The following GORASP2 variants were observed in gnomAD, a reference collection of about 807,000 sequenced individuals.
GORASP2 encodes the protein golgi reassembly stacking protein 2, also known as Golgi reassembly-stacking protein 2.
In GORASP2, 22 loss-of-function variants were observed where a neutral mutation model predicts 45.7. That is an observed-to-expected ratio of 0.48 (90% CI 0.34 to 0.69). The LOEUF (loss-of-function observed/expected upper bound fraction) is 0.69. Among genes scored for constraint, GORASP2 ranks in the 30% least tolerant of loss-of-function variants. The probability of loss-of-function intolerance (pLI) is 0.01; values close to 1 mark genes in which losing one functional copy is unlikely to be tolerated. For synonymous variants in GORASP2, 221 were observed against 215.6 expected, an observed-to-expected ratio of 1.02 and a Z score of -0.22; for missense variants, 491 against 562.7, an observed-to-expected ratio of 0.87 and a Z score of 1.29.
chr2:170,943,792 C>T (rs143498800), intron 1 of GORASP2, among the ~76,000 whole-genome samples: 113 of 152,296 alleles, frequency 7.4e-4, no homozygotes, highest in African/African-American at 2.6e-3. Context: ...CCCGCCTTAG[C>T]TTCCTGAGTT....
intron 1 of GORASP2, among the ~76,000 whole-genome samples, chr2:170,946,664 G>T (rs1704186915): frequency 6.6e-6 from 1 of 151,174 alleles, no homozygotes; most frequent in South Asian, 2.1e-4. Context: ...GGATGCAGTG[G>T]CTCACACCTG....
At chr2:170,931,549 G>A (rs1703823147) in intron 1 of GORASP2, among the ~76,000 whole-genome samples, 1 of 152,206 alleles carries the variant, frequency 6.6e-6, no homozygotes, top group African/African-American at 2.4e-5. Context: ...TTAGAAGTTA[G>A]TTTTCTTGAA....
Position 170,956,462 on chromosome 2 carries a change from G to A in GORASP2, c.726G>A (p.Pro242=), listed in dbSNP as rs574818608. ...TCCAGCTGTCCTCAGTTAATCCCCC[G>A]TCTTTGTCACCACCAGGAACTACAG... ...TEVQLSSVNP[P]SLSPPGTTGI... Residue 242 remains proline, a synonymous_variant, in exon 7 of 10, where the codon CCG becomes CCA. Coordinates refer to ENST00000234160, the MANE Select transcript of GORASP2 (RefSeq NM_015530.5). 1.6e-5 allele frequency: 25 copies of A among 1,612,510 alleles called. No individual in the cohort carries two copies. Among genetic ancestry groups the A allele is most frequent in the South Asian group, 6.6e-5 (6 of 90,952 alleles).
In GORASP2 at chr2:170,951,430, C is replaced by T; in HGVS notation, c.538C>T (p.Pro180Ser). 2 of 1,610,996 alleles carry T rather than the reference C, an allele frequency of 1.2e-6. No homozygotes were observed. Among genetic ancestry groups the T allele is most frequent in the Non-Finnish European group, 8.5e-7 (1 of 1,178,876 alleles). Residue 180 changes from proline to serine, a missense_variant, in exon 5 of 10, where the codon CCA becomes TCA. By Grantham distance (74) the Pro-to-Ser change is moderately conservative. Transcript: ENST00000234160. ...TDNCREVIIT[P>S]NSAWGGEGSL... ...TAACTGTCGAGAAGTGATTATTACA[C>T]CAAATTCTGCATGGGGTGGAGAAGG...
chr2:170,960,877 A>G (rs988728207), intron 7 of GORASP2, among the ~76,000 whole-genome samples: 2 of 152,228 alleles, frequency 1.3e-5, no homozygotes, highest in Admixed American at 6.5e-5. Flanking sequence ...TCCCGCTACC[A>G]TATGTAAGCA....
intron 5 of GORASP2, chr2:170,953,821 C>A (rs565550920): frequency 1.3e-5 from 2 of 152,364 alleles, no homozygotes; most frequent in Admixed American, 6.5e-5. Context: ...CATCAGCATT[C>A]ATTCTACTAA....
chr2:170,939,610 T>C (rs1704028600), intron 1 of GORASP2, among the ~76,000 whole-genome samples: 1 of 152,208 alleles, frequency 6.6e-6, no homozygotes, highest in South Asian at 2.1e-4. Context: ...TCTCTTACTA[T>C]GCCTAGCATA....
At chr2:170,945,275 A>G (rs1405932105) in intron 1 of GORASP2, among the ~76,000 whole-genome samples, 1 of 152,188 alleles carries the variant, frequency 6.6e-6, no homozygotes. Flanking sequence ...TGCATTGGCA[A>G]CATAGCAAGA....
chr2:170,948,457 C>T (rs536598450), intron 2 of GORASP2, 27 bp downstream of exon 2: 3 of 1,227,498 alleles, frequency 2.4e-6, no homozygotes, highest in African/African-American at 1.5e-5. Context: ...GTAGTTTTGT[C>T]TATAGTATTT....
chr2:170,941,877 A>G (rs1159248402), intron 1 of GORASP2, among the ~76,000 whole-genome samples: 5 of 152,162 alleles, frequency 3.3e-5, no homozygotes, highest in African/African-American at 4.8e-5. Context: ...GTATATACCC[A>G]AGGTTGGAAT....
Position 170,962,880 on chromosome 2 carries a change from C to A in GORASP2, c.952C>A (p.Leu318Ile). ...AGCAGGACTGCCCAACCTCCCCAAC[C>A]TCAACCTCAACCTCCCAGCACCACA... ...LPAGLPNLPN[L>I]NLNLPAPHIM... Residue 318 changes from leucine (L) to isoleucine (I), a missense_variant, in exon 9 of 10, where the codon CTC becomes ATC. Physicochemically the swap from Leu to Ile is conservative, Grantham distance 5. Around this residue, in one of 2 missense-constraint regions of GORASP2, gnomAD observed 297 missense variants for 292.3 expected, o/e 1.02. Coordinates refer to ENST00000234160, the MANE Select transcript of GORASP2 (RefSeq NM_015530.5). 6.2e-7 allele frequency: 1 copy of A among 1,613,772 alleles called. No homozygotes were observed. Among genetic ancestry groups the A allele is most frequent in the Non-Finnish European group, 8.5e-7 (1 of 1,179,748 alleles).
intron 7 of GORASP2, among the ~76,000 whole-genome samples, chr2:170,960,132 C>A (rs1198223061): frequency 6.6e-6 from 1 of 152,070 alleles, no homozygotes; most frequent in Admixed American, 6.6e-5. Context: ...AAGTGTATCA[C>A]CATTTTACAT....
chr2:170,952,404 C>T (rs1283678734), intron 5 of GORASP2, among the ~76,000 whole-genome samples: 1 of 152,244 alleles, frequency 6.6e-6, no homozygotes, highest in Non-Finnish European at 1.5e-5. Context: ...CAGTCTGCCT[C>T]TGACCATGCA....
At chr2:170,964,186 G>C (rs1280284462) in intron 9 of GORASP2, among the ~76,000 whole-genome samples, 1 of 152,158 alleles carries the variant, frequency 6.6e-6, no homozygotes, top group Non-Finnish European at 1.5e-5. Context: ...ACTTTTAATA[G>C]GTCATCTCAG....
chr2:170,930,533 C>G (rs1354035263), intron 1 of GORASP2, among the ~76,000 whole-genome samples: 1 of 152,182 alleles, frequency 6.6e-6, no homozygotes, highest in African/African-American at 2.4e-5. Context: ...AATTGCCCAG[C>G]TGTCTATGTG....
At chr2:170,960,870 C>T (rs1575479989) in intron 7 of GORASP2, among the ~76,000 whole-genome samples, 3 of 152,250 alleles carry the variant, frequency 2.0e-5, no homozygotes, top group South Asian at 4.2e-4. Context: ...AATTTATTCC[C>T]GCTACCATAT....
At chr2:170,950,974 A>T (rs34330182) in intron 4 of GORASP2, among the ~76,000 whole-genome samples, 31,181 of 151,638 alleles carry the variant, frequency 0.21, 3,862 homozygotes, top group Non-Finnish European at 0.28. Context: ...AGTTAGAGAG[A>T]CCCTGTCTCA....
chr2:170,936,326 A>C (rs1401218010), intron 1 of GORASP2, among the ~76,000 whole-genome samples: 1 of 147,956 alleles, frequency 6.8e-6, no homozygotes, highest in Non-Finnish European at 1.5e-5. Flanking sequence ...TCCTGGGCTC[A>C]ATTAATCCTT....
In GORASP2 at chr2:170,966,280, G is replaced by C. The variant is rs1418692365; in HGVS notation, c.*150G>C. 1.1e-5 allele frequency: 7 copies of C among 651,568 alleles called. No individual in the cohort carries two copies. The highest frequency in any genetic ancestry group is 2.4e-5 in the Admixed American group (1 of 42,102). The allele number at this position is 651,568 out of a possible 1,614,324, so 40.4% of individuals were successfully genotyped here. On this transcript the variant is annotated 3_prime_UTR_variant, in exon 10 of 10. Coordinates refer to ENST00000234160, the MANE Select transcript of GORASP2 (RefSeq NM_015530.5). ...AGGGGAAAACTAAACGAGGACGTGG[G>C]TTGTATCCTGCCAGGTTGAGTGGGG...
Sources: gnomAD v4.1 joint callset for allele counts (sites outside exome capture counted in the v4.1 genomes callset) on GRCh38, gnomAD v4.1.1 for gene constraint, gnomAD v4.1.1 regional missense constraint, MANE v1.5 for transcripts, NCBI Gene and HGNC (gene_info 2026-07-23, HGNC 2026-07-21) for gene names.